CDH18: variants seen among roughly 807,000 people sequenced by gnomAD.
CDH18 encodes the protein cadherin-18.
In CDH18, 31 loss-of-function variants were observed where a neutral mutation model predicts 67.9. The observed-to-expected ratio is 0.46, with a 90% confidence interval of 0.34 to 0.62. The LOEUF (loss-of-function observed/expected upper bound fraction) is 0.62, where lower values mean the gene tolerates loss of function less well. Among genes scored for constraint, CDH18 ranks in the 20% least tolerant of loss-of-function variants. CDH18 has a pLI of 0.01. For missense variants in CDH18, 890 were observed against 975.5 expected, an observed-to-expected ratio of 0.91 and a Z score of 1.17; for synonymous variants, 362 against 347.2, an observed-to-expected ratio of 1.04 and a Z score of -0.48.
chr5:19,621,862 T>C (rs974073308), intron 5 of CDH18, among the ~76,000 whole-genome samples: 1 of 152,186 alleles, frequency 6.6e-6, no homozygotes, highest in Admixed American at 6.6e-5. Context: ...AATAAAACAG[T>C]AAATAATGCA....
At chr5:20,553,764 A>G (rs948365701) in intron 1 of CDH18, among the ~76,000 whole-genome samples, 1 of 152,196 alleles carries the variant, frequency 6.6e-6, no homozygotes, top group East Asian at 1.9e-4. Context: ...CACACTTGAA[A>G]TGAAAAAATT....
intron 1 of CDH18, among the ~76,000 whole-genome samples, chr5:20,381,977 T>A (rs998808154): frequency 1.4e-4 from 21 of 152,120 alleles, no homozygotes; most frequent in African/African-American, 4.8e-4. Context: ...ATTGTCAATT[T>A]AAAAAGTTAT....
chr5:20,126,688 A>G (rs1459051990), intron 2 of CDH18, among the ~76,000 whole-genome samples: 1 of 152,200 alleles, frequency 6.6e-6, no homozygotes, highest in Admixed American at 6.5e-5. Flanking sequence ...AAAGCATACA[A>G]ATGACCAATA....
intron 1 of CDH18, among the ~76,000 whole-genome samples, chr5:20,526,705 C>T (rs1329233792): frequency 6.6e-6 from 1 of 152,040 alleles, no homozygotes; most frequent in Non-Finnish European, 1.5e-5. Context: ...GCAAAAACAA[C>T]AACAACACAA....
chr5:20,491,639 C>T (rs1004379432), intron 1 of CDH18, among the ~76,000 whole-genome samples: 1 of 152,168 alleles, frequency 6.6e-6, no homozygotes, highest in Non-Finnish European at 1.5e-5. Context: ...GGCAGAATTT[C>T]CGCTTGCTCA....
At chr5:20,371,132 A>T (rs1742966469) in intron 1 of CDH18, among the ~76,000 whole-genome samples, 1 of 151,602 alleles carries the variant, frequency 6.6e-6, no homozygotes, top group Non-Finnish European at 1.5e-5. Context: ...GGCACTCTGG[A>T]GAGGGGAAGA....
chr5:19,640,004 A>C (rs564056246), intron 5 of CDH18, among the ~76,000 whole-genome samples: 1 of 152,190 alleles, frequency 6.6e-6, no homozygotes, highest in Non-Finnish European at 1.5e-5. Flanking sequence ...ACCATTCAAC[A>C]TACTATACCC....
At chr5:19,953,804 C>T (rs752806750) in intron 2 of CDH18, among the ~76,000 whole-genome samples, 17 of 151,926 alleles carry the variant, frequency 1.1e-4, no homozygotes, top group Non-Finnish European at 2.2e-4. Flanking sequence ...AAATAATAGT[C>T]AAACTATGAG....
At chr5:20,304,939 A>C in intron 1 of CDH18, 6 of 1,613,680 alleles carry the variant, frequency 3.7e-6, no homozygotes, top group East Asian at 2.2e-5. Flanking sequence ...GTGCTTCACT[A>C]TCCAATCCCG....
intron 3 of CDH18, among the ~76,000 whole-genome samples, chr5:19,749,544 T>C (rs1770561329): frequency 6.6e-6 from 1 of 151,088 alleles, no homozygotes; most frequent in African/African-American, 2.4e-5. Context: ...ACTAACAAAA[T>C]GTAGCAATAT....
At chr5:19,875,693 T>A (rs987623692) in intron 2 of CDH18, among the ~76,000 whole-genome samples, 1 of 151,996 alleles carries the variant, frequency 6.6e-6, no homozygotes, top group African/African-American at 2.4e-5. Context: ...ATCTTTTATA[T>A]TGTTGAATCT....
intron 1 of CDH18, among the ~76,000 whole-genome samples, chr5:20,449,623 A>G (rs760878247): frequency 3.9e-5 from 6 of 152,046 alleles, no homozygotes; most frequent in Non-Finnish European, 7.4e-5. Context: ...AAAGGAAGAA[A>G]GAATGTCTAC....
chr5:19,865,013 G>A (rs1785331752), intron 2 of CDH18, among the ~76,000 whole-genome samples: 1 of 152,076 alleles, frequency 6.6e-6, no homozygotes, highest in Non-Finnish European at 1.5e-5. Flanking sequence ...GCTCCTCAAT[G>A]GGTGAAACCT....
intron 2 of CDH18, among the ~76,000 whole-genome samples, chr5:19,929,462 G>A (rs1344810742): frequency 1.3e-5 from 2 of 152,068 alleles, no homozygotes; most frequent in South Asian, 2.1e-4. Context: ...GAGGAAATAC[G>A]AAATGTTGAG....
intron 2 of CDH18, among the ~76,000 whole-genome samples, chr5:19,842,255 G>C (rs1782408121): frequency 6.6e-6 from 1 of 152,134 alleles, no homozygotes; most frequent in African/African-American, 2.4e-5. Context: ...AATATGGTCT[G>C]GCTCTGTGTC....
intron 3 of CDH18, among the ~76,000 whole-genome samples, chr5:19,750,457 A>T (rs1447167301): frequency 6.6e-6 from 1 of 152,130 alleles, no homozygotes; most frequent in African/African-American, 2.4e-5. Context: ...GACACAGAAA[A>T]CTTGACAAAT....
intron 1 of CDH18, among the ~76,000 whole-genome samples, chr5:20,418,658 AT>A (rs5866425): frequency 0.78 from 118,409 of 151,922 alleles, 46,342 homozygotes; most frequent in Admixed American, 0.86. Flanking sequence ...GATTTCAATA[AT>A]TTTTTTGTAC....
chr5:19,490,505 C>G (rs1002075943), intron 11 of CDH18, among the ~76,000 whole-genome samples: 1 of 143,646 alleles, frequency 7.0e-6, no homozygotes, highest in Non-Finnish European at 1.5e-5. Context: ...ACCTTCACCT[C>G]GCGGGTTCAA....
intron 2 of CDH18, among the ~76,000 whole-genome samples, chr5:20,010,814 C>T (rs939738507): frequency 2.6e-5 from 4 of 152,100 alleles, no homozygotes. Context: ...TTTAGGCAAT[C>T]TTGTCAGAGA....
Sources: gnomAD v4.1 joint callset for allele counts (sites outside exome capture counted in the v4.1 genomes callset) on GRCh38, gnomAD v4.1.1 for gene constraint, MANE v1.5 for transcripts, NCBI Gene and HGNC (gene_info 2026-07-23, HGNC 2026-07-21) for gene names.